The following ASB18 variants were observed in gnomAD, a reference collection of about 807,000 sequenced individuals.
ASB18 encodes the protein ankyrin repeat and SOCS box containing 18, also known as ankyrin repeat and SOCS box protein 18.
A neutral mutation model predicts 33.4 loss-of-function variants in ASB18; 33 were observed. The observed-to-expected ratio is 0.99, with a 90% CI of 0.75 to 1.32. The LOEUF (loss-of-function observed/expected upper bound fraction) is 1.32, where lower values mean the gene tolerates loss of function less well. ASB18 is among the 40% of genes most tolerant of loss of function. The pLI is 0.00. For synonymous variants in ASB18, 295 were observed against 307.6 expected (o/e 0.96, Z 0.43); for missense variants, 694 against 655.5 (o/e 1.06, Z -0.64).
chr2:236,242,625 AT>A (rs750746306), intron 1 of ASB18, among the ~76,000 whole-genome samples: 6 of 151,750 alleles, frequency 4.0e-5, no homozygotes, highest in South Asian at 4.2e-4. Context: ...CGCCCTGCTA[AT>A]TTTTTTTTAA....
rs1181241586 is a variant in ASB18, at chr2:236,219,205, G to A, written c.597-4339C>T. Among the ~76,000 whole-genome samples, 3 of 152,260 alleles carry A rather than the reference G, an allele frequency of 2.0e-5. No individual in the cohort carries two copies. Among genetic ancestry groups the A allele is most frequent in the Middle Eastern group, 3.4e-3 (1 of 294 alleles). ...AACCTAGAAATTTAGAGGGCAATGT[G>A]TGTTTATCTCTGGATGATGGGCATA... On this transcript the variant is annotated intron_variant, in intron 3 of 5. Transcript: ENST00000409749. The surrounding 1 kb of genome is among the most constrained non-coding windows in gnomAD (Gnocchi z 6.4).
Position 236,245,183 on chromosome 2 carries a change from C to T in ASB18, c.206-3781G>A, listed in dbSNP as rs565195679. On this transcript the variant is annotated intron_variant, in intron 1 of 5. Coordinates refer to ENST00000409749, the MANE Select transcript of ASB18 (RefSeq NM_212556.4). This position sits in a 1 kb window ranked among gnomAD's most constrained non-coding sequence, Gnocchi z 4.7. ...TGTTTATCTGACCTCTGGGCAAAGG[C>T]TCAGCTCTGGGGCTGCAGAAGGGCC... Among the ~76,000 whole-genome samples the T allele has an allele frequency of 3.1e-3, 476 of 152,336 alleles. 1 individual carries two copies. The highest frequency in any genetic ancestry group is 0.011 in the African/African-American group (453 of 41,578).
At chr2:236,247,240 T>C (rs570254536) in intron 1 of ASB18, 2 of 151,884 alleles carry the variant, frequency 1.3e-5, no homozygotes, top group Non-Finnish European at 2.9e-5. Context: ...TTTTTTTTTT[T>C]TTTAAAGAAC....
At position 236,220,571 on chromosome 2, in the gene ASB18, A is replaced by G. The variant is rs533195685; in HGVS notation, c.597-5705T>C. Among the ~76,000 whole-genome samples, 1 of 149,474 alleles carries G rather than the reference A, an allele frequency of 6.7e-6. No homozygotes were observed. The highest frequency in any genetic ancestry group is 2.5e-5 in the African/African-American group (1 of 40,172). ...ACTTGGCCTTTTTTTTTTTTTTTAA[A>G]CAACTATTTATCTTTAGTCCCTGAA... On this transcript the variant is annotated intron_variant, in intron 3 of 5. Transcript: ENST00000409749. This position sits in a 1 kb window ranked among gnomAD's most constrained non-coding sequence, Gnocchi z 5.1.
Position 236,241,135 on chromosome 2 carries a change from C to G in ASB18, c.328+145G>C. The G allele has an allele frequency of 2.4e-6, 2 of 827,130 alleles. No homozygotes were observed. Among genetic ancestry groups the G allele is most frequent in the Non-Finnish European group, 3.9e-6 (2 of 513,488 alleles). The allele number at this position is 827,130 out of a possible 1,614,324, so 51.2% of individuals were successfully genotyped here. ...ATCACCTAAAACCTACACTTTACTG[C>G]GAGCAAACTTCATCAGATGTCCTTT... is the stretch of plus-strand genomic sequence containing the variant. On this transcript the variant is annotated intron_variant, in intron 2 of 5. Coordinates refer to ENST00000409749, the MANE Select transcript of ASB18 (RefSeq NM_212556.4). This position sits in a 1 kb window ranked among gnomAD's most constrained non-coding sequence, Gnocchi z 4.2.
rs766407452 is a variant in ASB18 at position 236,200,587 on chromosome 2, G to T, written c.1102-4202C>A. On this transcript the variant is annotated intron_variant, in intron 4 of 5. Coordinates refer to ENST00000409749, the MANE Select transcript of ASB18 (RefSeq NM_212556.4). This position sits in a 1 kb window ranked among gnomAD's most constrained non-coding sequence, Gnocchi z 4.2. ...GCCTGAGGCAAAGAGCCAGCCCAGA[G>T]AATGCATGTTCTGCCCTCACTCTCC... Among the ~76,000 whole-genome samples the T allele has an allele frequency of 6.6e-6, 1 of 152,166 alleles. No individual in the cohort carries two copies. Among genetic ancestry groups the T allele is most frequent in the African/African-American group, 2.4e-5 (1 of 41,442 alleles).
intron 1 of ASB18, among the ~76,000 whole-genome samples, chr2:236,258,078 G>A (rs999023757): frequency 2.0e-5 from 3 of 152,206 alleles, no homozygotes; most frequent in Non-Finnish European, 4.4e-5. Context: ...TGCTTAATCT[G>A]TGCATATGAG....
rs1269332695 is a variant in ASB18 at position 236,259,037 on chromosome 2, G to T, written c.205+5104C>A. ...CCAAATTGTACAGTTGATGCATTTG[G>T]GGGGCGAGATGGGTCTCACTGCCCC... On this transcript the variant is annotated intron_variant, in intron 1 of 5. Transcript: ENST00000409749. This position sits in a 1 kb window ranked among gnomAD's most constrained non-coding sequence, Gnocchi z 4.4. 6.6e-6 allele frequency among the ~76,000 whole-genome samples: 1 copy of T among 152,040 alleles called. No homozygotes were observed. Among genetic ancestry groups the T allele is most frequent in the Admixed American group, 6.6e-5 (1 of 15,266 alleles).
Position 236,260,138 on chromosome 2 carries a change from T to C in ASB18, c.205+4003A>G, listed in dbSNP as rs2060711419. Among the ~76,000 whole-genome samples, 1 of 152,226 alleles carries C rather than the reference T, an allele frequency of 6.6e-6. No homozygotes were observed. The highest frequency in any genetic ancestry group is 3.2e-3 in the Middle Eastern group (1 of 316). ...AACATGCAGAGCGAATGGTTACTTT[T>C]CTTTTTCTTATTTTTTCACATTGTC... On this transcript the variant is annotated intron_variant, in intron 1 of 5. Transcript: ENST00000409749. This position sits in a 1 kb window ranked among gnomAD's most constrained non-coding sequence, Gnocchi z 5.1.
rs558595536 is a variant in ASB18 at position 236,211,008 on chromosome 2, T to C, written c.1101+3354A>G. Among the ~76,000 whole-genome samples the C allele has an allele frequency of 6.6e-6, 1 of 152,338 alleles. No homozygotes were observed. Among genetic ancestry groups the C allele is most frequent in the South Asian group, 2.1e-4 (1 of 4,824 alleles). The stretch of plus-strand genomic sequence containing the variant: ...TCCTTGGAAAAAGATCACATGGGAC[T>C]TCATGACTGTTTCACAGATTCGTAT... On this transcript the variant is annotated intron_variant, in intron 4 of 5. Transcript: ENST00000409749. The surrounding 1 kb of genome is among the most constrained non-coding windows in gnomAD (Gnocchi z 5.0).
rs753663420 is a variant in ASB18 at position 236,205,305 on chromosome 2, G to A, written c.1102-8920C>T. Among the ~76,000 whole-genome samples, 20 of 152,154 alleles carry A rather than the reference G, an allele frequency of 1.3e-4. No individual in the cohort carries two copies. The highest frequency in any genetic ancestry group is 2.6e-4 in the Non-Finnish European group (18 of 68,026). On this transcript the variant is annotated intron_variant, in intron 4 of 5. Coordinates refer to ENST00000409749, the MANE Select transcript of ASB18 (RefSeq NM_212556.4). The surrounding 1 kb of genome is among the most constrained non-coding windows in gnomAD (Gnocchi z 5.4). ...CCATCTCCGGCCACACTGGTCCCCT[G>A]TGGTTCTGTGCGCAGGGCTGGCCCA...
Position 236,264,164 on chromosome 2 carries a change from T to C in ASB18, c.182A>G (p.Gln61Arg), listed in dbSNP as rs1349063608. The C allele has an allele frequency of 1.9e-6, 3 of 1,613,800 alleles. No homozygotes were observed. Among genetic ancestry groups the C allele is most frequent in the Non-Finnish European group, 1.7e-6 (2 of 1,179,888 alleles). ...ACCTAGCAGCATGCCGGTGGGCAGC[T>C]GAGCCGAGGGGTCTTTCATCCAGTC... ...NDDWMKDPSA[Q>R]LPTGMLLGDL... Residue 61 changes from glutamine (Q) to arginine (R), a missense_variant, in exon 1 of 6, where the codon CAG becomes CGG. Coordinates refer to ENST00000409749, the MANE Select transcript of ASB18 (RefSeq NM_212556.4). This position sits in a 1 kb window ranked among gnomAD's most constrained non-coding sequence, Gnocchi z 5.1.
rs1404186880 is a variant in ASB18 at position 236,214,586 on chromosome 2, C to A, written c.877G>T (p.Glu293Ter). ...CAGGCTTTGTGCAGCGGGCTGCGCT[C>A]GTCCTCGTCGCGCGCGTCCGCCTCC... ...GAEADARDEDERSPLHKACGH... is the reference protein window; with the variant it reads ...GAEADARDED Residue 293 changes from glutamate (E) to a stop codon, truncating the protein, a stop_gained, in exon 4 of 6, where the codon GAG becomes TAG. Coordinates refer to ENST00000409749, the MANE Select transcript of ASB18 (RefSeq NM_212556.4). LOFTEE classifies it high-confidence loss of function. The surrounding 1 kb of genome is among the most constrained non-coding windows in gnomAD (Gnocchi z 6.5). 1.0e-5 allele frequency: 13 copies of A among 1,278,546 alleles called. No homozygotes were observed. In the South Asian group the frequency reaches 2.8e-4, roughly 27 times the overall value. 79.2% of individuals were successfully genotyped at this position (1,278,546 alleles called of 1,614,324 possible).
Position 236,195,001 on chromosome 2 carries a change from C to T in ASB18, c.1272G>A (p.Leu424=). 1 of 1,613,880 alleles carries T rather than the reference C, an allele frequency of 6.2e-7. No individual in the cohort carries two copies. Among genetic ancestry groups the T allele is most frequent in the Non-Finnish European group, 8.5e-7 (1 of 1,179,874 alleles). Residue 424 remains leucine (L), a synonymous_variant, in exon 6 of 6, where the codon CTG becomes CTA. Coordinates refer to ENST00000409749, the MANE Select transcript of ASB18 (RefSeq NM_212556.4). This position sits in a 1 kb window ranked among gnomAD's most constrained non-coding sequence, Gnocchi z 5.5. ...GAAGAGCACAGCGGCAAAGATGCTG[C>T]AGGCAGCGTGGGGTGAGGGCCAAGG... ...LFALALTPRC[L]QHLCRCALRR...
rs2060428144 is a variant in ASB18 at position 236,205,395 on chromosome 2, G to A, written c.1101+8967C>T. ...CTGCTCTTCCCCAGACATCCACACAGTGGGTCCCTCACATCTCTCAAGTCT... is the reference window on the plus strand; with the variant it reads ...CTGCTCTTCCCCAGACATCCACACAATGGGTCCCTCACATCTCTCAAGTCT... On this transcript the variant is annotated intron_variant, in intron 4 of 5. Transcript: ENST00000409749. The surrounding 1 kb of genome is among the most constrained non-coding windows in gnomAD (Gnocchi z 5.4). 6.6e-6 allele frequency among the ~76,000 whole-genome samples: 1 copy of A among 152,246 alleles called. No individual in the cohort carries two copies. Among genetic ancestry groups the A allele is most frequent in the East Asian group, 1.9e-4 (1 of 5,198 alleles).
chr2:236,241,435 G>T lies in ASB18; in HGVS notation c.206-33C>A, dbSNP rs778392904. On this transcript the variant is annotated intron_variant, in intron 1 of 5. Coordinates refer to ENST00000409749, the MANE Select transcript of ASB18 (RefSeq NM_212556.4). This position sits in a 1 kb window ranked among gnomAD's most constrained non-coding sequence, Gnocchi z 4.2. ...CAGGGCAGTGTGGTACTCCTGCACC[G>T]GGGACCCTGCTCTAGCTTGAGGATC... 1.2e-5 allele frequency: 19 copies of T among 1,612,616 alleles called. No homozygotes were observed. The African/African-American group carries it at 2.5e-4, about 22-fold the overall frequency.
At chr2:236,197,078 C>T (rs571403322) in intron 4 of ASB18, among the ~76,000 whole-genome samples, 2 of 152,098 alleles carry the variant, frequency 1.3e-5, no homozygotes, top group South Asian at 2.1e-4. Flanking sequence ...CCCCGCCCCC[C>T]CCATCAACCC....
chr2:236,205,967 G>C lies in ASB18; in HGVS notation c.1101+8395C>G, dbSNP rs1187586388. Reference sequence around the variant, plus strand: ...ATGTCTTTTTAGAACATTTTTGTTAGAATGTATATAGGTATGTGCCTCCTG... The same window carrying C: ...ATGTCTTTTTAGAACATTTTTGTTACAATGTATATAGGTATGTGCCTCCTG... On this transcript the variant is annotated intron_variant, in intron 4 of 5. Transcript: ENST00000409749. This position sits in a 1 kb window ranked among gnomAD's most constrained non-coding sequence, Gnocchi z 5.4. Among the ~76,000 whole-genome samples the C allele has an allele frequency of 6.6e-6, 1 of 152,158 alleles. No homozygotes were observed. Among genetic ancestry groups the C allele is most frequent in the Non-Finnish European group, 1.5e-5 (1 of 68,038 alleles).
Position 236,238,531 on chromosome 2 carries a change from G to T in ASB18, c.329-575C>A, listed in dbSNP as rs1468067730. Among the ~76,000 whole-genome samples the T allele has an allele frequency of 2.6e-5, 4 of 152,200 alleles. No homozygotes were observed. The South Asian group carries it at 8.3e-4, about 32-fold the overall frequency. On this transcript the variant is annotated intron_variant, in intron 2 of 5. Coordinates refer to ENST00000409749, the MANE Select transcript of ASB18 (RefSeq NM_212556.4). The surrounding 1 kb of genome is among the most constrained non-coding windows in gnomAD (Gnocchi z 5.2). ...AGAAAGTTTAGCTCTCTTGCAAGTG[G>T]CTGAGTTTTCAGAAGCACACTTTGA...
Sources: gnomAD v4.1 joint callset for allele counts (sites outside exome capture counted in the v4.1 genomes callset) on GRCh38, gnomAD v4.1.1 for gene constraint, Gnocchi (gnomAD v3.1) non-coding constraint, MANE v1.5 for transcripts, NCBI Gene and HGNC (gene_info 2026-07-23, HGNC 2026-07-21) for gene names.